Variants in STS observed in about 807,000 individuals in gnomAD.
The protein encoded by STS is steroid sulfatase.
A neutral mutation model predicts 26.8 loss-of-function variants in STS; 7 were observed. That is an observed-to-expected ratio of 0.26 (90% CI 0.15 to 0.49). The LOEUF is 0.49. Ranked by LOEUF, STS falls within the 20% of genes least tolerant of loss-of-function variation. The probability of loss-of-function intolerance (pLI) is 0.98; values close to 1 mark genes in which losing one functional copy is unlikely to be tolerated. For synonymous variants in STS, 199 were observed against 189.4 expected, an observed-to-expected ratio of 1.05 and a Z score of -0.42; for missense variants, 434 against 465.6, an observed-to-expected ratio of 0.93 and a Z score of 0.63.
At chrX:7,293,239 C>T (rs1925503275) in intron 7 of STS, among the ~76,000 whole-genome samples, 1 of 111,981 alleles carries the variant, frequency 8.9e-6, no homozygotes, top group Non-Finnish European at 1.9e-5. Context: ...ACATGAGCCC[C>T]ACAAAAATGT....
At chrX:7,289,068 G>A (rs761249109) in intron 7 of STS, among the ~76,000 whole-genome samples, 34 of 111,827 alleles carry the variant, frequency 3.0e-4, no homozygotes, top group Non-Finnish European at 3.0e-4. Flanking sequence ...CATGGTGGTC[G>A]TGGCATCCAC....
intron 2 of STS, among the ~76,000 whole-genome samples, chrX:7,247,009 A>C (rs1922915257): frequency 1.8e-5 from 2 of 112,532 alleles, no homozygotes; most frequent in Admixed American, 9.4e-5. Context: ...AGTTAATGAC[A>C]GAGCTAAGCT....
intron 10 of STS, among the ~76,000 whole-genome samples, chrX:7,344,095 C>T (rs1338932364): frequency 8.9e-6 from 1 of 112,162 alleles, no homozygotes; most frequent in African/African-American, 3.2e-5. Flanking sequence ...TAAAGTTTGT[C>T]TTATTTTATA....
intron 5 of STS, among the ~76,000 whole-genome samples, chrX:7,257,886 T>C (rs1923506250): frequency 9.0e-6 from 1 of 110,790 alleles, no homozygotes; most frequent in African/African-American, 3.3e-5. Flanking sequence ...TACCTAATGA[T>C]AGATGGATGA....
intron 1 of STS, among the ~76,000 whole-genome samples, chrX:7,172,256 C>T (rs1260974150): frequency 9.0e-6 from 1 of 111,364 alleles, no homozygotes; most frequent in African/African-American, 3.3e-5. Flanking sequence ...GAAGCAGCAT[C>T]CTTAAGGGAC....
intron 8 of STS, among the ~76,000 whole-genome samples, chrX:7,306,646 C>G (rs1281345718): frequency 9.0e-6 from 1 of 111,452 alleles, no homozygotes; most frequent in African/African-American, 3.3e-5. Flanking sequence ...CTAACACTTG[C>G]ATGCACAAGA....
chrX:7,334,071 G>T lies in STS; in HGVS notation c.1327G>T (p.Ala443Ser). The T allele has an allele frequency of 1.7e-6, 2 of 1,211,256 alleles. No individual in the cohort carries two copies. The highest frequency in any genetic ancestry group is 2.2e-6 in the Non-Finnish European group (2 of 895,279). The stretch of plus-strand genomic sequence containing the variant: ...TGAGTTTCTCTTCCATTACTGCAAC[G>T]CCTACTTAAATGCTGTGCGCTGGCA... Reference protein sequence around the residue: ...DHEFLFHYCNAYLNAVRWHPQ... With the variant: ...DHEFLFHYCNSYLNAVRWHPQ... The change falls in exon 10 of 11, where the codon GCC becomes TCC. Residue 443 changes from alanine to serine, a missense_variant. By Grantham distance (99) the Ala-to-Ser change is moderately conservative. This residue lies in a region of STS where 205 missense variants were observed against 177.3 expected (regional missense o/e 1.16). Coordinates refer to ENST00000674429, the MANE Select transcript of STS (RefSeq NM_001320752.2).
chrX:7,313,558 T>C (rs1387722409), intron 8 of STS, among the ~76,000 whole-genome samples: 1 of 112,534 alleles, frequency 8.9e-6, no homozygotes, highest in Non-Finnish European at 1.9e-5. Flanking sequence ...CTCTTCATGC[T>C]AGTGTCAGTA....
At chrX:7,246,757 A>C (rs1372130242) in intron 2 of STS, among the ~76,000 whole-genome samples, 1 of 111,503 alleles carries the variant, frequency 9.0e-6, no homozygotes, top group African/African-American at 3.3e-5. Flanking sequence ...CATTAGTTAC[A>C]CTCTCAGTCT....
intron 2 of STS, among the ~76,000 whole-genome samples, chrX:7,192,329 C>T (rs751129062): frequency 1.9e-3 from 215 of 111,621 alleles, no homozygotes; most frequent in Non-Finnish European, 3.4e-3. Context: ...TTTGGGAGGC[C>T]GAGGCGGGCA....
intron 2 of STS, among the ~76,000 whole-genome samples, chrX:7,200,953 G>GAT (rs1934058798): frequency 1.0e-5 from 1 of 98,944 alleles, no homozygotes; most frequent in Non-Finnish European, 2.1e-5. Flanking sequence ...TGGTTAGATG[G>GAT]GTGGATGGAT....
chrX:7,287,138 A>G (rs1483976808), intron 7 of STS, among the ~76,000 whole-genome samples: 1 of 111,309 alleles, frequency 9.0e-6, no homozygotes, highest in East Asian at 2.8e-4. Flanking sequence ...GCAGAGGCTT[A>G]GGATGAAGTC....
intron 2 of STS, among the ~76,000 whole-genome samples, chrX:7,193,691 G>T (rs1398679776): frequency 1.8e-5 from 2 of 110,855 alleles, no homozygotes; most frequent in Non-Finnish European, 3.8e-5. Flanking sequence ...TAGTAACAGT[G>T]TCCATTCTAT....
intron 6 of STS, among the ~76,000 whole-genome samples, chrX:7,267,995 C>T (rs892950679): frequency 1.8e-5 from 2 of 110,561 alleles, no homozygotes; most frequent in South Asian, 3.9e-4. Flanking sequence ...TCTGACTTCC[C>T]GGAGTGGTAA....
chrX:7,174,681 AT>A (rs781195862), intron 1 of STS, among the ~76,000 whole-genome samples: 5 of 111,455 alleles, frequency 4.5e-5, no homozygotes, highest in African/African-American at 1.6e-4. Flanking sequence ...AGCATCCCAA[AT>A]TTATCCCTCT....
chrX:7,230,656 A>G (rs1419333526), intron 2 of STS, among the ~76,000 whole-genome samples: 1 of 111,706 alleles, frequency 9.0e-6, no homozygotes, highest in Non-Finnish European at 1.9e-5. Flanking sequence ...CACATCTTAC[A>G]TGGTGGCAGA....
intron 10 of STS, among the ~76,000 whole-genome samples, chrX:7,344,921 T>C (rs1264575021): frequency 9.0e-6 from 1 of 111,197 alleles, no homozygotes; most frequent in African/African-American, 3.3e-5. Flanking sequence ...AGTTTAAACA[T>C]TCAGAGAGGC....
chrX:7,288,216 A>C (rs1925236523), intron 7 of STS, among the ~76,000 whole-genome samples: 2 of 106,209 alleles, frequency 1.9e-5, no homozygotes, highest in African/African-American at 6.9e-5. Flanking sequence ...TTTTGTAGTT[A>C]AACCTTCATG....
At chrX:7,340,703 A>G (rs1482383876) in intron 10 of STS, among the ~76,000 whole-genome samples, 3 of 112,170 alleles carry the variant, frequency 2.7e-5, no homozygotes, top group Non-Finnish European at 5.6e-5. Flanking sequence ...AGAAGTTTAT[A>G]TCTCCATCTC....
Sources: gnomAD v4.1 joint callset for allele counts (sites outside exome capture counted in the v4.1 genomes callset) on GRCh38, gnomAD v4.1.1 for gene constraint, gnomAD v4.1.1 regional missense constraint, MANE v1.5 for transcripts, NCBI Gene and HGNC (gene_info 2026-07-23, HGNC 2026-07-21) for gene names.